IQGAP2: variants seen among roughly 807,000 people sequenced by gnomAD.
IQGAP2 encodes the protein ras GTPase-activating-like protein IQGAP2.
IQGAP2 carries 173 observed loss-of-function variants against 201.3 expected under a neutral mutation model. The ratio of observed to expected loss-of-function variants is 0.86; its 90% CI spans 0.76 to 0.98. The LOEUF (loss-of-function observed/expected upper bound fraction) is 0.98. IQGAP2 is among the 50% of genes least tolerant of loss of function. IQGAP2 has a pLI of 0.00. For missense variants in IQGAP2, 1,687 were observed against 1,864.8 expected (o/e 0.90, Z 1.76); for synonymous variants, 675 against 673.9 (o/e 1.00, Z -0.03).
intron 2 of IQGAP2, among the ~76,000 whole-genome samples, chr5:76,540,403 G>A (rs906563407): frequency 6.6e-6 from 1 of 152,122 alleles, no homozygotes; most frequent in Middle Eastern, 3.2e-3. Flanking sequence ...CAGGGGAAGA[G>A]GAGTTGGAGG....
chr5:76,606,068 CTT>C (rs1747783371), intron 11 of IQGAP2, 109 bp from the exon 12 acceptor site: 2 of 929,544 alleles, frequency 2.2e-6, no homozygotes, highest in Admixed American at 5.6e-5. Context: ...CCTTTCTACT[CTT>C]TGTCTAACTT....
intron 1 of IQGAP2, among the ~76,000 whole-genome samples, chr5:76,452,380 T>A (rs779957009): frequency 1.3e-5 from 2 of 152,048 alleles, no homozygotes; most frequent in Non-Finnish European, 2.9e-5. Flanking sequence ...CCTAATGCTA[T>A]CCCTCTACCC....
rs573112952 is a variant in IQGAP2, at chr5:76,675,472, A to AT, written c.3527+764dup. 9.4e-4 allele frequency among the ~76,000 whole-genome samples: 143 copies of AT among 152,374 alleles called. 1 individual carries two copies. Among genetic ancestry groups the AT allele is most frequent in the Admixed American group, 5.7e-3 (88 of 15,306 alleles). On this transcript the variant is annotated intron_variant, in intron 27 of 35. Transcript: ENST00000274364. ...CTGTTCTATTCTCAAGCCTTTCTTA[A>AT]TGACACATGTAAGAAGATTTAATTC...
At chr5:76,516,942 G>T (rs1391503465) in intron 2 of IQGAP2, among the ~76,000 whole-genome samples, 2 of 152,098 alleles carry the variant, frequency 1.3e-5, no homozygotes, top group Admixed American at 6.6e-5. Context: ...GTAAGTACTT[G>T]TTTTAAAGTA....
chr5:76,584,719 C>A (rs1746123649), intron 5 of IQGAP2, among the ~76,000 whole-genome samples: 1 of 152,188 alleles, frequency 6.6e-6, no homozygotes, highest in South Asian at 2.1e-4. Flanking sequence ...GGCGTCCGTT[C>A]CATTGCTCTC....
intron 2 of IQGAP2, among the ~76,000 whole-genome samples, chr5:76,524,689 T>C (rs919008574): frequency 6.6e-6 from 1 of 152,224 alleles, no homozygotes; most frequent in African/African-American, 2.4e-5. Context: ...AAGAAATATT[T>C]TTATGTTAAA....
At chr5:76,606,973 A>G (rs548779313) in intron 12 of IQGAP2, 2 of 152,340 alleles carry the variant, frequency 1.3e-5, no homozygotes, top group South Asian at 4.1e-4. Flanking sequence ...TGTGTTTTCC[A>G]CCATGAAAAC....
intron 28 of IQGAP2, among the ~76,000 whole-genome samples, chr5:76,677,976 A>T (rs570257309): frequency 1.1e-4 from 16 of 152,260 alleles, no homozygotes; most frequent in African/African-American, 3.6e-4. Context: ...GATTGTAAAT[A>T]TGCAGTTTAA....
At chr5:76,446,349 CGTT>C (rs141252853) in intron 1 of IQGAP2, among the ~76,000 whole-genome samples, 2,710 of 151,902 alleles carry the variant, frequency 0.018, 74 homozygotes, top group African/African-American at 0.06. Flanking sequence ...CACCACCACT[CGTT>C]GTTTTTTTAA....
intron 2 of IQGAP2, among the ~76,000 whole-genome samples, chr5:76,555,155 A>AGG (rs2150242301): frequency 6.6e-6 from 1 of 152,300 alleles, no homozygotes; most frequent in Admixed American, 6.5e-5. Context: ...TAAATGGAGA[A>AGG]TGACTGTTTA....
At chr5:76,481,046 A>G (rs113158750) in intron 2 of IQGAP2, among the ~76,000 whole-genome samples, 1,714 of 152,202 alleles carry the variant, frequency 0.011, 31 homozygotes, top group African/African-American at 0.039. Context: ...GCCCTTTTAT[A>G]AGGTCACTAA....
intron 23 of IQGAP2, 68 bp from the exon 24 acceptor site, chr5:76,671,688 GGAA>G: frequency 1.0e-5 from 10 of 989,376 alleles, no homozygotes; most frequent in Non-Finnish European, 1.2e-5. Context: ...ACTGTCTCGG[GGAA>G]AAAAAAAAAA....
chr5:76,670,054 T>A (rs1744164779), intron 23 of IQGAP2, among the ~76,000 whole-genome samples: 6 of 152,016 alleles, frequency 3.9e-5, no homozygotes, highest in Admixed American at 3.9e-4. Context: ...AACTCCTGAC[T>A]TCAGGGGGAT....
chr5:76,482,491 C>T (rs1755849118), intron 2 of IQGAP2, among the ~76,000 whole-genome samples: 1 of 152,148 alleles, frequency 6.6e-6, no homozygotes, highest in Non-Finnish European at 1.5e-5. Context: ...TACCTAATTT[C>T]ATAAGGGTGG....
At chr5:76,517,899 C>T (rs374401001) in intron 2 of IQGAP2, among the ~76,000 whole-genome samples, 107 of 152,238 alleles carry the variant, frequency 7.0e-4, no homozygotes, top group African/African-American at 2.4e-3. Flanking sequence ...TCCATTTTCA[C>T]GCTGCCGATA....
intron 18 of IQGAP2, 41 bp downstream of exon 18, chr5:76,652,874 C>T (rs751205842): frequency 8.1e-6 from 10 of 1,241,020 alleles, no homozygotes; most frequent in East Asian, 2.3e-5. Context: ...TTGGCTTAAA[C>T]GTTTCCCCTC....
At chr5:76,627,276 A>G (rs1039657318) in intron 13 of IQGAP2, 134 bp from the exon 14 acceptor site, 1 of 713,216 alleles carries the variant, frequency 1.4e-6, no homozygotes, top group Non-Finnish European at 2.6e-6. Flanking sequence ...TGTGTACAGT[A>G]TATGGCAGAG....
chr5:76,697,060 A>G lies in IQGAP2; in HGVS notation c.4207-927A>G, dbSNP rs1415657911. Among the ~76,000 whole-genome samples, 4 of 152,318 alleles carry G rather than the reference A, an allele frequency of 2.6e-5. No individual in the cohort carries two copies. The South Asian group carries it at 6.2e-4, about 24-fold the overall frequency. On this transcript the variant is annotated intron_variant, in intron 32 of 35. Coordinates refer to ENST00000274364, the MANE Select transcript of IQGAP2 (RefSeq NM_006633.5). The stretch of plus-strand genomic sequence containing the variant: ...AGTCAAACATTTTCATAACTTACCA[A>G]TTAGAATTATGAAAAAAACTTATAT...
At chr5:76,693,328 G>A (rs1480094674) in intron 30 of IQGAP2, 27 bp from the exon 31 acceptor site, 1 of 1,555,368 alleles carries the variant, frequency 6.4e-7, no homozygotes, top group Non-Finnish European at 8.8e-7. Context: ...CAGTCTGAAA[G>A]TCTGTCTCTT....
Sources: gnomAD v4.1 joint callset for allele counts (sites outside exome capture counted in the v4.1 genomes callset) on GRCh38, gnomAD v4.1.1 for gene constraint, MANE v1.5 for transcripts, NCBI Gene and HGNC (gene_info 2026-07-23, HGNC 2026-07-21) for gene names.